MAST4: variants seen among roughly 807,000 people sequenced by gnomAD.
MAST4 encodes the protein microtubule-associated serine/threonine-protein kinase 4.
In MAST4, 89 loss-of-function variants were observed where a neutral mutation model predicts 162.7. The observed-to-expected ratio is 0.55, with a 90% CI of 0.46 to 0.65. MAST4 has a LOEUF of 0.65. Among genes scored for constraint, MAST4 ranks in the 30% least tolerant of loss-of-function variants. The pLI is 0.00. For synonymous variants in MAST4, 1,479 were observed against 1,361.1 expected (o/e 1.09, Z -1.91); for missense variants, 3,153 against 3,374.0 (o/e 0.93, Z 1.62).
intron 1 of MAST4, among the ~76,000 whole-genome samples, chr5:66,611,458 G>A (rs1561211833): frequency 6.6e-6 from 1 of 152,330 alleles, no homozygotes; most frequent in Non-Finnish European, 1.5e-5. Flanking sequence ...TCTCATGAGA[G>A]GGTTAATGCT....
At chr5:67,083,734 C>A (rs913316136) in intron 5 of MAST4, among the ~76,000 whole-genome samples, 1 of 152,138 alleles carries the variant, frequency 6.6e-6, no homozygotes, top group East Asian at 1.9e-4. Flanking sequence ...CATGAAATTG[C>A]ATGATGCTTA....
chr5:66,700,254 T>C (rs1158034260), intron 1 of MAST4, among the ~76,000 whole-genome samples: 3 of 152,258 alleles, frequency 2.0e-5, no homozygotes, highest in Non-Finnish European at 4.4e-5. Flanking sequence ...CAAGATATTT[T>C]ATAGAAATGA....
intron 1 of MAST4, among the ~76,000 whole-genome samples, chr5:66,648,558 C>T (rs1464028765): frequency 6.6e-6 from 1 of 151,874 alleles, no homozygotes; most frequent in East Asian, 1.9e-4. Flanking sequence ...TTTGGCATTC[C>T]TATTGAGTTT....
intron 3 of MAST4, among the ~76,000 whole-genome samples, chr5:66,793,583 TG>T (rs1429199956): frequency 1.3e-5 from 2 of 152,308 alleles, no homozygotes; most frequent in East Asian, 3.9e-4. Flanking sequence ...GCCTTGATGA[TG>T]GAAGTTTAAA....
At chr5:66,864,425 C>T (rs1162367878) in intron 3 of MAST4, among the ~76,000 whole-genome samples, 1 of 152,080 alleles carries the variant, frequency 6.6e-6, no homozygotes, top group Non-Finnish European at 1.5e-5. Context: ...AGCGGGCGAG[C>T]CATAGGAATC....
chr5:66,894,580 G>T (rs772169437), intron 3 of MAST4, among the ~76,000 whole-genome samples: 1 of 152,058 alleles, frequency 6.6e-6, no homozygotes, highest in Non-Finnish European at 1.5e-5. Context: ...TAAATTAATT[G>T]TTAGTGCAGA....
intron 4 of MAST4, among the ~76,000 whole-genome samples, chr5:66,976,989 C>T (rs1401709174): frequency 6.6e-6 from 1 of 152,160 alleles, no homozygotes; most frequent in Non-Finnish European, 1.5e-5. Context: ...TAGAGAGTGG[C>T]AGGCCAAGAG....
At chr5:66,958,092 G>A (rs745764971) in intron 4 of MAST4, among the ~76,000 whole-genome samples, 30 of 152,062 alleles carry the variant, frequency 2.0e-4, no homozygotes, top group Non-Finnish European at 4.1e-4. Flanking sequence ...CTATTTTACC[G>A]CAGTTTGGCT....
chr5:66,967,767 T>TAG (rs1285659940), intron 4 of MAST4, among the ~76,000 whole-genome samples: 1 of 150,804 alleles, frequency 6.6e-6, no homozygotes, highest in Non-Finnish European at 1.5e-5. Flanking sequence ...AAACTAAATA[T>TAG]ATATATATAT....
chr5:67,000,837 A>G (rs1751212653), intron 4 of MAST4, among the ~76,000 whole-genome samples: 1 of 152,030 alleles, frequency 6.6e-6, no homozygotes, highest in Non-Finnish European at 1.5e-5. Context: ...TTTTGTATGT[A>G]GAAGGGGAGG....
At chr5:67,101,858 G>A (rs1467102425) in intron 8 of MAST4, among the ~76,000 whole-genome samples, 1 of 151,758 alleles carries the variant, frequency 6.6e-6, no homozygotes, top group Non-Finnish European at 1.5e-5. Flanking sequence ...CGTAGTATAA[G>A]CTGTATCCAC....
chr5:66,635,190 C>G (rs1745032012), intron 1 of MAST4, among the ~76,000 whole-genome samples: 1 of 152,168 alleles, frequency 6.6e-6, no homozygotes, highest in Non-Finnish European at 1.5e-5. Context: ...GACTCAGGCT[C>G]CCTGAACAGC....
At chr5:66,931,808 C>G (rs146646170) in intron 4 of MAST4, among the ~76,000 whole-genome samples, 286 of 152,198 alleles carry the variant, frequency 1.9e-3, no homozygotes, top group South Asian at 0.012. Flanking sequence ...CAGCGCAGGA[C>G]TATAATAGTT....
At chr5:66,749,460 T>C (rs139486572) in intron 1 of MAST4, among the ~76,000 whole-genome samples, 10 of 152,272 alleles carry the variant, frequency 6.6e-5, no homozygotes, top group Non-Finnish European at 1.3e-4. Flanking sequence ...TCAGTTTAAA[T>C]CAAATTCTCA....
intron 2 of MAST4, 63 bp from the exon 3 acceptor site, chr5:66,788,607 C>CCCAG: frequency 7.3e-7 from 1 of 1,373,724 alleles, no homozygotes; most frequent in Non-Finnish European, 1.0e-6. Flanking sequence ...CCCCCACCCC[C>CCCAG]ATTGCAATAA....
In MAST4 at chr5:66,788,796, T is replaced by TGA; in HGVS notation, c.642+4_642+5dup. ...GCGCCCTCGCTCACCGCCAGCCTGG[T>TGA]GAGTGTCCGCGGGCGCCGGTGGAGG... On this transcript the variant is annotated splice_region_variant and intron_variant, in intron 3 of 28. Transcript: ENST00000403625. The TGA allele has an allele frequency of 6.4e-7, 1 of 1,573,454 alleles. No homozygotes were observed. The highest frequency in any genetic ancestry group is 8.6e-7 in the Non-Finnish European group (1 of 1,161,202).
intron 4 of MAST4, chr5:66,916,896 C>T (rs1764152152): frequency 1.5e-6 from 1 of 686,416 alleles, no homozygotes. Flanking sequence ...TCAGTACTCC[C>T]TTTCTCCCCT....
At chr5:66,833,233 G>A (rs757652103) in intron 3 of MAST4, among the ~76,000 whole-genome samples, 8 of 152,164 alleles carry the variant, frequency 5.3e-5, no homozygotes, top group Non-Finnish European at 1.2e-4. Flanking sequence ...CAGTGAAACA[G>A]CAATTCTCCA....
intron 1 of MAST4, among the ~76,000 whole-genome samples, chr5:66,618,861 G>A (rs1457617357): frequency 6.6e-6 from 1 of 152,100 alleles, no homozygotes; most frequent in Non-Finnish European, 1.5e-5. Flanking sequence ...AGTATGTGAA[G>A]AGAGGAAACA....
Sources: gnomAD v4.1 joint callset for allele counts (sites outside exome capture counted in the v4.1 genomes callset) on GRCh38, gnomAD v4.1.1 for gene constraint, MANE v1.5 for transcripts, NCBI Gene and HGNC (gene_info 2026-07-23, HGNC 2026-07-21) for gene names.